The following DGKI variants were observed in gnomAD, a reference collection of about 807,000 sequenced individuals.
DGKI encodes DAG kinase iota.
Under a neutral mutation model 147.5 loss-of-function variants are expected in DGKI, and 55 were observed. The ratio of observed to expected loss-of-function variants is 0.37; its 90% CI spans 0.30 to 0.47. DGKI has a LOEUF of 0.47. DGKI is among the 20% of genes least tolerant of loss of function. The probability of loss-of-function intolerance (pLI) is 1.00; values close to 1 mark genes in which losing one functional copy is unlikely to be tolerated. For missense variants in DGKI, 1,007 were observed against 1,323.8 expected, an observed-to-expected ratio of 0.76 and a Z score of 3.71; for synonymous variants, 469 against 477.1, an observed-to-expected ratio of 0.98 and a Z score of 0.22.
Position 137,485,321 on chromosome 7 carries a change from T to A in DGKI, c.2373+53A>T, listed in dbSNP as rs1042323279. On this transcript the variant is annotated intron_variant, in intron 23 of 32. Coordinates refer to ENST00000614521, the MANE Select transcript of DGKI (RefSeq NM_001321708.2). ...TCAAAATAAGACATTAATTGAAAGA[T>A]GGACTTCATTTGGCCAGAAGGTAAG... 1.8e-5 allele frequency: 24 copies of A among 1,352,852 alleles called. No homozygotes were observed. The Admixed American group carries it at 4.2e-4, about 24-fold the overall frequency. 83.8% of individuals were successfully genotyped at this position (1,352,852 alleles called of 1,614,324 possible).
Position 137,472,997 on chromosome 7 carries a change from T to A in DGKI, c.2374-3378A>T, listed in dbSNP as rs1463876373. Among the ~76,000 whole-genome samples, 9 of 152,280 alleles carry A rather than the reference T, an allele frequency of 5.9e-5. No homozygotes were observed. In the East Asian group the frequency reaches 1.5e-3, roughly 26 times the overall value. ...ATCCATCACACTATCTCTAGGCTAT[T>A]CTAATTACAGAAAATTGGATGTTAT... On this transcript the variant is annotated intron_variant, in intron 23 of 32. Coordinates refer to ENST00000614521, the MANE Select transcript of DGKI (RefSeq NM_001321708.2).
intron 1 of DGKI, among the ~76,000 whole-genome samples, chr7:137,708,992 G>GTGGAAAGTGGACTGGAC (rs1794132899): frequency 6.6e-6 from 1 of 152,208 alleles, no homozygotes; most frequent in Admixed American, 6.5e-5. Context: ...GCATTGTAAA[G>GTGGAAAGTGGACTGGAC]TGGAAAGTGG....
chr7:137,618,151 A>ATATATTTTTTT, intron 8 of DGKI, among the ~76,000 whole-genome samples: 157 of 10,448 alleles, frequency 0.015, 2 homozygotes, highest in African/African-American at 0.019. Context: ...ATATATATAT[A>ATATATTTTTTT]TTTTTTTTTT....
At chr7:137,471,172 T>C (rs1814868386) in intron 23 of DGKI, among the ~76,000 whole-genome samples, 1 of 152,094 alleles carries the variant, frequency 6.6e-6, no homozygotes, top group Admixed American at 6.6e-5. Context: ...TGCAGTGGAA[T>C]TGAAATCACT....
At position 137,427,491 on chromosome 7, in the gene DGKI, C is replaced by A. The variant is rs995470552; in HGVS notation, c.2762-15284G>T. 1.4e-4 allele frequency among the ~76,000 whole-genome samples: 21 copies of A among 152,122 alleles called. No individual in the cohort carries two copies. The South Asian group carries it at 3.9e-3, about 29-fold the overall frequency. On this transcript the variant is annotated intron_variant, in intron 28 of 32. Transcript: ENST00000614521. ...CACCCTAACATCACAATTAAAAGAA[C>A]TAGAAAAGCAAGAGCAAACACATTC...
intron 23 of DGKI, among the ~76,000 whole-genome samples, chr7:137,473,861 G>A (rs1187094793): frequency 6.6e-6 from 1 of 152,116 alleles, no homozygotes; most frequent in African/African-American, 2.4e-5. Flanking sequence ...ATTAATAATT[G>A]AAGTTAAACA....
intron 7 of DGKI, among the ~76,000 whole-genome samples, 185 bp downstream of exon 7, chr7:137,623,298 C>A (rs1273551712): frequency 6.6e-6 from 1 of 152,192 alleles, no homozygotes; most frequent in South Asian, 2.1e-4. Context: ...TCTAGTGTAT[C>A]CCAGCTCATC....
intron 1 of DGKI, among the ~76,000 whole-genome samples, chr7:137,832,223 T>C (rs1466381351): frequency 6.6e-6 from 1 of 152,224 alleles, no homozygotes; most frequent in East Asian, 1.9e-4. Context: ...ACAGCTTCAA[T>C]AGGTGGTGCC....
intron 28 of DGKI, among the ~76,000 whole-genome samples, chr7:137,413,592 T>C (rs990745798): frequency 4.6e-5 from 7 of 152,224 alleles, no homozygotes; most frequent in African/African-American, 1.4e-4. Flanking sequence ...GCTGCACCCA[T>C]GTTGTTACAA....
intron 1 of DGKI, among the ~76,000 whole-genome samples, chr7:137,775,637 C>T (rs534103115): frequency 2.6e-5 from 4 of 152,266 alleles, no homozygotes; most frequent in Admixed American, 1.3e-4. Context: ...AACAATTCCT[C>T]GTCTATAAGT....
chr7:137,808,742 C>T lies in DGKI; in HGVS notation c.401+37720G>A, dbSNP rs116510233. Among the ~76,000 whole-genome samples the T allele has an allele frequency of 3.2e-3, 480 of 152,112 alleles. 4 individuals carry two copies. Among genetic ancestry groups the T allele is most frequent in the African/African-American group, 0.011 (459 of 41,492 alleles). On this transcript the variant is annotated intron_variant, in intron 1 of 32. Coordinates refer to ENST00000614521, the MANE Select transcript of DGKI (RefSeq NM_001321708.2). ...ATATTAAAAAACCATGGGAGAGACC[C>T]GAGCAGAAAAAGGAAGAAGAACATA...
intron 1 of DGKI, among the ~76,000 whole-genome samples, chr7:137,767,187 C>T (rs1338915371): frequency 6.6e-6 from 1 of 152,170 alleles, no homozygotes; most frequent in Non-Finnish European, 1.5e-5. Context: ...TGCAGATCTC[C>T]TGCCATTGCA....
intron 1 of DGKI, among the ~76,000 whole-genome samples, chr7:137,696,287 C>G (rs1823778679): frequency 6.6e-6 from 1 of 152,118 alleles, no homozygotes; most frequent in African/African-American, 2.4e-5. Context: ...CCTGCCTAAC[C>G]CATCTTCCTA....
chr7:137,570,401 A>G (rs181450386), intron 19 of DGKI, among the ~76,000 whole-genome samples: 64 of 152,358 alleles, frequency 4.2e-4, no homozygotes, highest in Admixed American at 1.2e-3. Flanking sequence ...ATGCACTAAT[A>G]TCACAATAAT....
At chr7:137,584,668 T>G (rs1189600320) in intron 14 of DGKI, among the ~76,000 whole-genome samples, 1 of 152,206 alleles carries the variant, frequency 6.6e-6, no homozygotes. Context: ...TGAAACAAAC[T>G]TGCACATATG....
At chr7:137,515,406 T>C (rs1816715136) in intron 21 of DGKI, among the ~76,000 whole-genome samples, 1 of 152,154 alleles carries the variant, frequency 6.6e-6, no homozygotes, top group Admixed American at 6.6e-5. Flanking sequence ...AGGTAAGCAG[T>C]CAATTAATAT....
At chr7:137,494,985 C>T (rs1372420247) in intron 21 of DGKI, among the ~76,000 whole-genome samples, 1 of 151,988 alleles carries the variant, frequency 6.6e-6, no homozygotes, top group East Asian at 1.9e-4. Context: ...CAGAAAAAAG[C>T]AGGGGTTGCT....
chr7:137,459,027 G>T (rs149201142), intron 27 of DGKI, among the ~76,000 whole-genome samples: 2 of 152,096 alleles, frequency 1.3e-5, no homozygotes, highest in Non-Finnish European at 2.9e-5. Context: ...TACACATTGC[G>T]TATCCTACTT....
chr7:137,427,205 A>C (rs1320862695), intron 28 of DGKI, among the ~76,000 whole-genome samples: 2 of 152,232 alleles, frequency 1.3e-5, no homozygotes, highest in African/African-American at 4.8e-5. Flanking sequence ...ACTGTCTCTC[A>C]GACCACAGTG....
Sources: allele counts gnomAD v4.1 joint callset (sites outside exome capture counted in the v4.1 genomes callset), GRCh38; gene constraint gnomAD v4.1.1; transcripts MANE v1.5; gene names NCBI Gene and HGNC (gene_info 2026-07-23, HGNC 2026-07-21).